Variants in ERP44 observed in about 807,000 individuals in gnomAD.
ERP44 encodes endoplasmic reticulum protein 44.
ERP44 carries 25 observed loss-of-function variants against 53.4 expected under a neutral mutation model. The ratio of observed to expected loss-of-function variants is 0.47; its 90% CI spans 0.34 to 0.65. ERP44 has a LOEUF of 0.65. ERP44 is among the 30% of genes least tolerant of loss of function. The probability of loss-of-function intolerance (pLI) is 0.01; values close to 1 mark genes in which losing one functional copy is unlikely to be tolerated. For missense variants in ERP44, 338 were observed against 493.2 expected, an observed-to-expected ratio of 0.69 and a Z score of 2.98; for synonymous variants, 145 against 161.2, an observed-to-expected ratio of 0.90 and a Z score of 0.76.
intron 1 of ERP44, among the ~76,000 whole-genome samples, chr9:100,067,855 A>C (rs1424808675): frequency 6.7e-6 from 1 of 149,802 alleles, no homozygotes; most frequent in Non-Finnish European, 1.5e-5. Flanking sequence ...CCCGTCTGAG[A>C]AGTGAGGAGC....
intron 1 of ERP44, among the ~76,000 whole-genome samples, chr9:100,086,042 T>A (rs1826477827): frequency 6.6e-6 from 1 of 152,240 alleles, no homozygotes; most frequent in South Asian, 2.1e-4. Context: ...AGATTTGTCA[T>A]CATTTTCCAT....
At chr9:100,095,404 G>C (rs1251397626) in intron 1 of ERP44, among the ~76,000 whole-genome samples, 3 of 152,116 alleles carry the variant, frequency 2.0e-5, no homozygotes, top group Non-Finnish European at 4.4e-5. Context: ...AATTGGAATA[G>C]ATGGACTTTA....
rs1429491612 is a variant in ERP44 at position 100,098,992 on chromosome 9, G to A, written c.-152C>T. The stretch of plus-strand genomic sequence containing the variant: ...TCGTCCTCTCGACCCGGGCTCCAGC[G>A]GCGAACACCCGGGACAACTTCCAGA... On this transcript the variant is annotated 5_prime_UTR_variant, in exon 1 of 12. Transcript: ENST00000262455. The A allele has an allele frequency of 1.6e-6, 1 of 626,562 alleles. No individual in the cohort carries two copies. The allele number at this position is 626,562 out of a possible 1,614,324, so 38.8% of individuals were successfully genotyped here.
At chr9:99,992,656 G>A (rs1587955493) in intron 10 of ERP44, among the ~76,000 whole-genome samples, 1 of 152,318 alleles carries the variant, frequency 6.6e-6, no homozygotes, top group African/African-American at 2.4e-5. Context: ...AGTGTTGGAA[G>A]TTCTGGCCAC....
intron 1 of ERP44, among the ~76,000 whole-genome samples, chr9:100,096,074 A>G (rs1826624483): frequency 6.6e-6 from 1 of 152,206 alleles, no homozygotes; most frequent in Admixed American, 6.5e-5. Context: ...ATCTATAAAC[A>G]TACTTATCAA....
chr9:100,000,229 G>A (rs1564086841), intron 10 of ERP44, among the ~76,000 whole-genome samples: 1 of 151,894 alleles, frequency 6.6e-6, no homozygotes, highest in South Asian at 2.1e-4. Flanking sequence ...GCCAGGCCAG[G>A]AGCTTGAAAC....
At chr9:100,007,378 GA>G (rs1221779673) in intron 9 of ERP44, among the ~76,000 whole-genome samples, 199 bp downstream of exon 9, 1 of 152,120 alleles carries the variant, frequency 6.6e-6, no homozygotes, top group Non-Finnish European at 1.5e-5. Context: ...GTAATGGTTA[GA>G]AAACAAACAA....
intron 10 of ERP44, among the ~76,000 whole-genome samples, chr9:100,002,228 T>C (rs183982046): frequency 5.6e-4 from 86 of 152,276 alleles, no homozygotes; most frequent in Admixed American, 1.7e-3. Flanking sequence ...CCTAAAATTA[T>C]TGTAGCTATT....
At chr9:100,043,291 A>AAAAAAACAAAAAAAAAAAG (rs1168903331) in intron 4 of ERP44, among the ~76,000 whole-genome samples, 1 of 74,878 alleles carries the variant, frequency 1.3e-5, no homozygotes, top group African/African-American at 5.8e-5. Context: ...AAAAAAAAAA[A>AAAAAAACAAAAAAAAAAAG]GATAAATAAG....
intron 1 of ERP44, among the ~76,000 whole-genome samples, chr9:100,063,748 C>T (rs779021859): frequency 4.6e-5 from 7 of 152,112 alleles, no homozygotes; most frequent in Admixed American, 6.5e-5. Context: ...CAGATATGAA[C>T]TTAGGAAGTA....
chr9:100,042,587 T>C (rs1038424586), intron 4 of ERP44, among the ~76,000 whole-genome samples: 1 of 152,216 alleles, frequency 6.6e-6, no homozygotes, highest in African/African-American at 2.4e-5. Context: ...GAAATCAGTA[T>C]ATGCAAGAGA....
chr9:99,993,446 A>G (rs1587955781), intron 10 of ERP44, among the ~76,000 whole-genome samples: 1 of 152,238 alleles, frequency 6.6e-6, no homozygotes. Context: ...TGCTGGGAAA[A>G]CTGGCTAGCC....
intron 1 of ERP44, among the ~76,000 whole-genome samples, chr9:100,087,455 T>TA (rs1484225550): frequency 6.6e-6 from 1 of 152,194 alleles, no homozygotes; most frequent in African/African-American, 2.4e-5. Context: ...GGTATCTATT[T>TA]AGTCATTCAT....
chr9:100,002,194 T>C (rs1316322873), intron 10 of ERP44, among the ~76,000 whole-genome samples: 2 of 151,996 alleles, frequency 1.3e-5, no homozygotes, highest in East Asian at 3.8e-4. Flanking sequence ...GTGTCATAAT[T>C]TACATCTTTT....
Position 100,016,427 on chromosome 9 carries a change from C to T in ERP44, c.657G>A (p.Pro219=), listed in dbSNP as rs754729559. 1.5e-5 allele frequency: 24 copies of T among 1,605,424 alleles called. No homozygotes were observed. The highest frequency in any genetic ancestry group is 8.1e-5 in the African/African-American group (6 of 74,274). ...IIYKPPGHSA[P]DMVYLGAMTN... ...TCATAGCTCCCAAGTACACCATATC[C>T]GGAGCAGAATGCTATTACAAAACAG... Residue 219 remains proline (P), a synonymous_variant, in exon 8 of 12, where the codon CCG becomes CCA. Transcript: ENST00000262455.
intron 4 of ERP44, among the ~76,000 whole-genome samples, chr9:100,031,033 G>T (rs766363373): frequency 6.6e-6 from 1 of 152,150 alleles, no homozygotes; most frequent in South Asian, 2.1e-4. Flanking sequence ...CTACTGTAGC[G>T]AATCTGGTGT....
chr9:100,043,051 A>T (rs1254419514), intron 4 of ERP44, among the ~76,000 whole-genome samples: 1 of 151,580 alleles, frequency 6.6e-6, no homozygotes, highest in Non-Finnish European at 1.5e-5. Flanking sequence ...TGAGGTCAGG[A>T]AATCGAGACC....
Position 100,044,734 on chromosome 9 carries a change from G to A in ERP44, c.286+7683C>T, listed in dbSNP as rs112658576. 7.1e-4 allele frequency among the ~76,000 whole-genome samples: 108 copies of A among 152,178 alleles called. 1 individual carries two copies. Among genetic ancestry groups the A allele is most frequent in the African/African-American group, 2.5e-3 (102 of 41,514 alleles). ...TTTTCAAAAACTCCAAGGAAGTAAG[G>A]CGCTCCTAGCTTTTTCCTTAATCAA... On this transcript the variant is annotated intron_variant, in intron 4 of 11. Coordinates refer to ENST00000262455, the MANE Select transcript of ERP44 (RefSeq NM_015051.3).
chr9:100,075,293 C>T (rs1316739867), intron 1 of ERP44, among the ~76,000 whole-genome samples: 4 of 152,254 alleles, frequency 2.6e-5, no homozygotes, highest in Non-Finnish European at 5.9e-5. Flanking sequence ...ATTAACACAT[C>T]TCCCGGTACC....
Sources: gnomAD v4.1 joint callset for allele counts (sites outside exome capture counted in the v4.1 genomes callset) on GRCh38, gnomAD v4.1.1 for gene constraint, MANE v1.5 for transcripts, NCBI Gene and HGNC (gene_info 2026-07-23, HGNC 2026-07-21) for gene names.